Variants in PLEKHB2 observed in about 807,000 individuals in gnomAD.
The protein encoded by PLEKHB2 is pleckstrin homology domain containing B2, also known as pleckstrin homology domain-containing family B member 2.
Under a neutral mutation model 36.5 loss-of-function variants are expected in PLEKHB2, and 31 were observed. That is an observed-to-expected ratio of 0.85 (90% CI 0.64 to 1.15). PLEKHB2 has a LOEUF of 1.15. PLEKHB2 is among the 50% of genes most tolerant of loss of function. PLEKHB2 has a pLI of 0.00. For synonymous variants in PLEKHB2, 119 were observed against 112.0 expected, an observed-to-expected ratio of 1.06 and a Z score of -0.39; for missense variants, 262 against 295.3, an observed-to-expected ratio of 0.89 and a Z score of 0.83.
chr2:131,144,324 C>T lies in PLEKHB2; in HGVS notation c.533-2313C>T, dbSNP rs1266901206. ...GTGATTTAACCCGCTAGTGGGTGTTCGTTCGGCTCTCCTATAATGTGGGGT... is the reference window on the plus strand; with the variant it reads ...GTGATTTAACCCGCTAGTGGGTGTTTGTTCGGCTCTCCTATAATGTGGGGT... On this transcript the variant is annotated intron_variant, in intron 7 of 7. Transcript: ENST00000693505. 45 of 504,856 alleles carry T rather than the reference C, an allele frequency of 8.9e-5. No individual in the cohort carries two copies. In the East Asian group the frequency reaches 9.6e-4, roughly 11 times the overall value. 31.3% of individuals were successfully genotyped at this position (504,856 alleles called of 1,614,324 possible).
chr2:131,142,244 A>G (rs959980701), intron 7 of PLEKHB2, among the ~76,000 whole-genome samples: 2 of 152,204 alleles, frequency 1.3e-5, no homozygotes, highest in African/African-American at 4.8e-5. Context: ...CTTCTTATCA[A>G]TGTTATAATG....
At chr2:131,129,977 G>C (rs971319200) in intron 4 of PLEKHB2, among the ~76,000 whole-genome samples, 2 of 152,094 alleles carry the variant, frequency 1.3e-5, no homozygotes, top group Non-Finnish European at 2.9e-5. Context: ...TTCAGTCTTT[G>C]GAATTTGCCC....
At chr2:131,108,188 G>GT (rs1307718228) in intron 1 of PLEKHB2, 6 of 152,150 alleles carry the variant, frequency 3.9e-5, no homozygotes, top group African/African-American at 1.4e-4. Context: ...TTGTCCATCT[G>GT]TTGTCTGTTT....
chr2:131,119,889 T>C (rs1696299365), intron 1 of PLEKHB2, among the ~76,000 whole-genome samples: 1 of 152,168 alleles, frequency 6.6e-6, no homozygotes, highest in Admixed American at 6.6e-5. Context: ...TTATTGCCTT[T>C]TCTGTATGAT....
intron 1 of PLEKHB2, among the ~76,000 whole-genome samples, 200 bp downstream of exon 1, chr2:131,105,598 A>G (rs1694619640): frequency 6.6e-6 from 1 of 151,274 alleles, no homozygotes; most frequent in Non-Finnish European, 1.5e-5. Context: ...GACCACCCTG[A>G]CCTTCCCCAG....
intron 1 of PLEKHB2, among the ~76,000 whole-genome samples, chr2:131,116,466 G>A (rs1695889290): frequency 6.6e-6 from 1 of 152,218 alleles, no homozygotes; most frequent in South Asian, 2.1e-4. Flanking sequence ...GAGTTCTGCA[G>A]ACTGTACAGG....
chr2:131,135,607 A>C (rs1474898277), intron 6 of PLEKHB2, among the ~76,000 whole-genome samples: 1 of 151,710 alleles, frequency 6.6e-6, no homozygotes, highest in African/African-American at 2.4e-5. Context: ...GGATGTATTC[A>C]GTGTTTTTTT....
In PLEKHB2 at chr2:131,119,973, T is replaced by C. The variant is rs531333822; in HGVS notation, c.-8-961T>C. Among the ~76,000 whole-genome samples, 220 of 149,892 alleles carry C rather than the reference T, an allele frequency of 1.5e-3. 1 individual carries two copies. Among genetic ancestry groups the C allele is most frequent in the African/African-American group, 4.5e-3 (186 of 41,158 alleles). ...GTTATGAATATTTCTTCTTCTTCTT[T>C]TTTTTTTTTTTTTGAGACAGAGTCT... On this transcript the variant is annotated intron_variant, in intron 1 of 7. Coordinates refer to ENST00000693505, the MANE Select transcript of PLEKHB2 (RefSeq NM_001100623.2).
intron 7 of PLEKHB2, among the ~76,000 whole-genome samples, chr2:131,140,499 TA>T (rs1321108483): frequency 6.6e-6 from 1 of 152,154 alleles, no homozygotes; most frequent in African/African-American, 2.4e-5. Flanking sequence ...CTTTTGTGTG[TA>T]GATTAGTTCT....
At chr2:131,115,755 A>G (rs1217154130) in intron 1 of PLEKHB2, among the ~76,000 whole-genome samples, 1 of 152,142 alleles carries the variant, frequency 6.6e-6, no homozygotes, top group Non-Finnish European at 1.5e-5. Flanking sequence ...AATAGACTGT[A>G]ATTTTTACTT....
At chr2:131,140,663 A>G (rs1404715991) in intron 7 of PLEKHB2, among the ~76,000 whole-genome samples, 1 of 152,242 alleles carries the variant, frequency 6.6e-6, no homozygotes, top group African/African-American at 2.4e-5. Flanking sequence ...TCTGTTTCAC[A>G]GTGGAGTACA....
At chr2:131,140,112 A>T in intron 6 of PLEKHB2, 55 bp from the exon 7 acceptor site, 1 of 1,059,686 alleles carries the variant, frequency 9.4e-7, no homozygotes, top group Non-Finnish European at 1.4e-6. Flanking sequence ...CCACAATTTT[A>T]ATACATTACC....
At position 131,109,979 on chromosome 2, in the gene PLEKHB2, G is replaced by C. The variant is rs550423433; in HGVS notation, c.-9+4581G>C. 2.0e-5 allele frequency among the ~76,000 whole-genome samples: 3 copies of C among 152,052 alleles called. No individual in the cohort carries two copies. The South Asian group carries it at 6.2e-4, about 32-fold the overall frequency. On this transcript the variant is annotated intron_variant, in intron 1 of 7. Transcript: ENST00000693505. ...AATACAAAAAAATTACCTGGGTGTGGTGGCGGTTGCCTGTAGTCCCAGCTA... is the reference window on the plus strand; with the variant it reads ...AATACAAAAAAATTACCTGGGTGTGCTGGCGGTTGCCTGTAGTCCCAGCTA...
chr2:131,113,116 A>T (rs1369974573), intron 1 of PLEKHB2, among the ~76,000 whole-genome samples: 1 of 149,562 alleles, frequency 6.7e-6, no homozygotes, highest in Non-Finnish European at 1.5e-5. Context: ...ACCGGGTCTC[A>T]CTCCTGCCCA....
rs1697149069 is a variant in PLEKHB2 at position 131,126,801 on chromosome 2, C to G, written c.293+15C>G. ...GATGATTGCTTGTAAGTTTTGCTTT[C>G]TTATGTGTTTAATTTAAAAAGTATT... On this transcript the variant is annotated intron_variant, in intron 4 of 7. Transcript: ENST00000693505. 7.2e-7 allele frequency: 1 copy of G among 1,385,508 alleles called. No homozygotes were observed. Among genetic ancestry groups the G allele is most frequent in the Non-Finnish European group, 1.0e-6 (1 of 976,116 alleles). 85.8% of individuals were successfully genotyped at this position (1,385,508 alleles called of 1,614,324 possible). A position where few individuals can be genotyped will look rare whatever the true frequency, so the allele number is the denominator to read the frequency against.
intron 6 of PLEKHB2, among the ~76,000 whole-genome samples, chr2:131,133,583 G>T (rs1697938012): frequency 1.3e-5 from 2 of 152,204 alleles, no homozygotes; most frequent in Non-Finnish European, 2.9e-5. Context: ...TTTGGAATTG[G>T]TGTGGTATTT....
intron 1 of PLEKHB2, 45 bp from the exon 2 acceptor site, chr2:131,120,889 C>T (rs1696442176): frequency 6.3e-7 from 1 of 1,593,910 alleles, no homozygotes; most frequent in African/African-American, 1.3e-5. Flanking sequence ...ACAGGCTATT[C>T]TCTTTCTGGG....
Position 131,146,801 on chromosome 2 carries a change from T to G in PLEKHB2, c.*28T>G, listed in dbSNP as rs1699335468. ...GCCTCAAGGTCTTGATGTGCATAGC[T>G]TCTGATAACCCTGTGTGCAATAATA... On this transcript the variant is annotated 3_prime_UTR_variant, in exon 8 of 8. Coordinates refer to ENST00000693505, the MANE Select transcript of PLEKHB2 (RefSeq NM_001100623.2). 1 of 1,552,190 alleles carries G rather than the reference T, an allele frequency of 6.4e-7. No homozygotes were observed. Among genetic ancestry groups the G allele is most frequent in the African/African-American group, 1.4e-5 (1 of 72,626 alleles).
At chr2:131,112,668 TC>T (rs762149214) in intron 1 of PLEKHB2, among the ~76,000 whole-genome samples, 18 of 152,188 alleles carry the variant, frequency 1.2e-4, no homozygotes, top group Admixed American at 5.2e-4. Flanking sequence ...TGTATATTGT[TC>T]TTTGTACCAC....
Sources: gnomAD v4.1 joint callset for allele counts (sites outside exome capture counted in the v4.1 genomes callset) on GRCh38, gnomAD v4.1.1 for gene constraint, MANE v1.5 for transcripts, NCBI Gene and HGNC (gene_info 2026-07-23, HGNC 2026-07-21) for gene names.